Variants in IGFL2 observed in about 807,000 individuals in gnomAD.
IGFL2 encodes IGF like family member 2.
IGFL2 carries 7 observed loss-of-function variants against 13.9 expected under a neutral mutation model. The observed-to-expected ratio is 0.51, with a 90% CI of 0.29 to 0.95. The LOEUF (loss-of-function observed/expected upper bound fraction) is 0.95. Among genes scored for constraint, IGFL2 ranks in the 40% least tolerant of loss-of-function variants. The probability of loss-of-function intolerance (pLI) is 0.08; values close to 1 mark genes in which losing one functional copy is unlikely to be tolerated. For missense variants in IGFL2, 138 were observed against 147.8 expected (o/e 0.93, Z 0.34); for synonymous variants, 55 against 55.8 (o/e 0.99, Z 0.07).
At chr19:46,203,197 G>T in the IGFL2 span, 1 of 152,204 alleles carries the variant, frequency 6.6e-6, no homozygotes, top group African/African-American at 2.4e-5. Flanking sequence ...TGCAGGGTGG[G>T]GAGATCATGA....
At chr19:46,168,268 C>T in the IGFL2 span, among the ~76,000 whole-genome samples, 51 of 152,248 alleles carry the variant, frequency 3.3e-4, no homozygotes, top group African/African-American at 1.1e-3. Context: ...AAAACATTAT[C>T]GTTGGTTAAA....
chr19:46,108,234 G>A, the IGFL2 span, among the ~76,000 whole-genome samples: 6 of 152,152 alleles, frequency 3.9e-5, no homozygotes, highest in African/African-American at 1.4e-4. Flanking sequence ...ACAGTCAGGA[G>A]AGAAAGAAGG....
chr19:46,082,063 G>A, the IGFL2 span, among the ~76,000 whole-genome samples: 1 of 152,116 alleles, frequency 6.6e-6, no homozygotes, highest in Non-Finnish European at 1.5e-5. Context: ...TTCTACATTG[G>A]CTGTTTCATT....
the IGFL2 span, among the ~76,000 whole-genome samples, chr19:46,097,734 T>G: frequency 6.6e-6 from 1 of 152,210 alleles, no homozygotes; most frequent in Admixed American, 6.5e-5. Context: ...TTTAGAGGAC[T>G]TCTTTACTTC....
At chr19:46,160,055 C>G (rs370739691) in intron 1 of IGFL2, 21 of 296,486 alleles carry the variant, frequency 7.1e-5, no homozygotes, top group African/African-American at 4.1e-4. Flanking sequence ...TCTCCACTTG[C>G]CAATCTTACT....
At chr19:46,156,946 C>T (rs572913404) in intron 1 of IGFL2, among the ~76,000 whole-genome samples, 10 of 152,144 alleles carry the variant, frequency 6.6e-5, no homozygotes, top group African/African-American at 2.4e-4. Flanking sequence ...AGGAATGAGA[C>T]AGGAGATATA....
chr19:46,111,363 T>A, the IGFL2 span: 1 of 152,216 alleles, frequency 6.6e-6, no homozygotes, highest in Admixed American at 6.5e-5. Context: ...CCTCAGTTTT[T>A]AAAATAAGTA....
At chr19:46,163,646 G>C (rs944222019), downstream of IGFL2, among the ~76,000 whole-genome samples, 1 of 152,234 alleles carries the variant, frequency 6.6e-6, no homozygotes, top group Non-Finnish European at 1.5e-5. Flanking sequence ...GGGGCTTTCA[G>C]ATGGCGCTGG....
the IGFL2 span, among the ~76,000 whole-genome samples, chr19:46,102,478 A>G: frequency 1.3e-4 from 20 of 152,258 alleles, no homozygotes; most frequent in East Asian, 3.9e-3. Context: ...TACCTTCTTA[A>G]TGGTGGGGAG....
the IGFL2 span, among the ~76,000 whole-genome samples, chr19:46,178,453 A>G: frequency 6.6e-6 from 1 of 152,164 alleles, no homozygotes; most frequent in East Asian, 1.9e-4. Flanking sequence ...ATGGCCCTAC[A>G]AAGCCATTTT....
chr19:46,158,582 T>C (rs980003436), intron 1 of IGFL2, among the ~76,000 whole-genome samples: 17 of 152,174 alleles, frequency 1.1e-4, no homozygotes, highest in Non-Finnish European at 5.9e-5. Flanking sequence ...CAAGATTCTA[T>C]ATTTATATGG....
At chr19:46,132,452 G>A in the IGFL2 span, among the ~76,000 whole-genome samples, 2 of 152,194 alleles carry the variant, frequency 1.3e-5, no homozygotes, top group Admixed American at 1.3e-4. Context: ...CGTGCTGTCA[G>A]TTCTCTCCTT....
chr19:46,137,099 CT>C, the IGFL2 span: 1 of 1,606,730 alleles, frequency 6.2e-7, no homozygotes. Context: ...AGACAATGGC[CT>C]CCCTAGGGTT....
the IGFL2 span, among the ~76,000 whole-genome samples, chr19:46,174,502 A>G: frequency 2.0e-5 from 3 of 152,300 alleles, no homozygotes; most frequent in South Asian, 2.1e-4. Context: ...CACCCTCAGC[A>G]TAGCTGAAAG....
the IGFL2 span, among the ~76,000 whole-genome samples, chr19:46,131,401 A>G: frequency 6.6e-6 from 1 of 152,236 alleles, no homozygotes. Flanking sequence ...AAGAGCTCCC[A>G]AGTAATTTTC....
chr19:46,176,505 C>T, the IGFL2 span, among the ~76,000 whole-genome samples: 1 of 152,146 alleles, frequency 6.6e-6, no homozygotes, highest in Non-Finnish European at 1.5e-5. Flanking sequence ...GGGAGAAACC[C>T]TCAACCACTA....
intron 1 of IGFL2, among the ~76,000 whole-genome samples, chr19:46,149,894 T>C (rs1370947830): frequency 6.6e-6 from 1 of 152,226 alleles, no homozygotes; most frequent in Non-Finnish European, 1.5e-5. Context: ...GGTGTACACA[T>C]AGGAGTGGAA....
chr19:46,099,137 A>T, the IGFL2 span, among the ~76,000 whole-genome samples: 2,022 of 152,190 alleles, frequency 0.013, 31 homozygotes, highest in Middle Eastern at 0.027. Flanking sequence ...TTTAAGAATG[A>T]TGAATATTGG....
At chr19:46,158,186 T>C (rs912310010) in intron 1 of IGFL2, among the ~76,000 whole-genome samples, 2 of 151,986 alleles carry the variant, frequency 1.3e-5, no homozygotes, top group Non-Finnish European at 2.9e-5. Context: ...AGATGTTAGT[T>C]CCCCCCAAAT....
Sources: allele counts gnomAD v4.1 joint callset (sites outside exome capture counted in the v4.1 genomes callset), GRCh38; gene constraint gnomAD v4.1.1; transcripts MANE v1.5; gene names NCBI Gene and HGNC (gene_info 2026-07-23, HGNC 2026-07-21).